The following DGKG variants were observed in gnomAD, a reference collection of about 807,000 sequenced individuals.
DGKG encodes DAG kinase gamma.
Under a neutral mutation model 105.3 loss-of-function variants are expected in DGKG, and 78 were observed. That is an observed-to-expected ratio of 0.74 (90% CI 0.62 to 0.89). DGKG has a LOEUF of 0.89. Among genes scored for constraint, DGKG ranks in the 40% least tolerant of loss-of-function variants. DGKG has a pLI of 0.00. For missense variants in DGKG, 958 were observed against 1,020.1 expected, an observed-to-expected ratio of 0.94 and a Z score of 0.83; for synonymous variants, 346 against 367.1, an observed-to-expected ratio of 0.94 and a Z score of 0.66.
intron 3 of DGKG, 47 bp from the exon 4 acceptor site, chr3:186,298,276 CAG>C: frequency 6.6e-7 from 1 of 1,505,772 alleles, no homozygotes; most frequent in Non-Finnish European, 8.9e-7. Flanking sequence ...AGCAAAGGGA[CAG>C]AGAGGAAGAG....
intron 1 of DGKG, among the ~76,000 whole-genome samples, chr3:186,327,590 T>G (rs1725409884): frequency 6.6e-6 from 1 of 151,806 alleles, no homozygotes; most frequent in Non-Finnish European, 1.5e-5. Context: ...TTTTTTAACT[T>G]TTTGTAGAGA....
chr3:186,148,573 C>A lies in DGKG; in HGVS notation c.*1517G>T. The A allele has an allele frequency of 1.0e-6, 1 of 985,438 alleles. No individual in the cohort carries two copies. The highest frequency in any genetic ancestry group is 4.7e-5 in the South Asian group (1 of 21,286). The allele number at this position is 985,438 out of a possible 1,614,324, so 61.0% of individuals were successfully genotyped here. ...TTTTCAGTGACCAGAAATGACCCTA[C>A]TCTGAGATGTGTGGGTTCTTTTCTC... On this transcript the variant is annotated 3_prime_UTR_variant, in exon 25 of 25. Transcript: ENST00000265022.
rs1719853498 is a variant in DGKG at position 186,226,239 on chromosome 3, T to C, written c.1827-14354A>G. ...CTTGATTATTAAGGGACAAATTCTT[T>C]AGTAAGTAGATAATCCAATCCTTCA... On this transcript the variant is annotated intron_variant, in intron 20 of 24. Transcript: ENST00000265022. This position sits in a 1 kb window ranked among gnomAD's most constrained non-coding sequence, Gnocchi z 4.2. Among the ~76,000 whole-genome samples, 1 of 152,210 alleles carries C rather than the reference T, an allele frequency of 6.6e-6. No homozygotes were observed. The highest frequency in any genetic ancestry group is 1.5e-5 in the Non-Finnish European group (1 of 68,026).
At chr3:186,189,272 A>G (rs1405689122) in intron 21 of DGKG, among the ~76,000 whole-genome samples, 2 of 152,172 alleles carry the variant, frequency 1.3e-5, no homozygotes, top group African/African-American at 2.4e-5. Flanking sequence ...TCTTTATCCA[A>G]TCTCCACAAC....
intron 1 of DGKG, among the ~76,000 whole-genome samples, chr3:186,345,500 T>A (rs1726285877): frequency 6.6e-6 from 1 of 152,220 alleles, no homozygotes; most frequent in Non-Finnish European, 1.5e-5. Context: ...GAGTTTGTTT[T>A]CTTAGACCCC....
At chr3:186,169,869 T>A (rs771223847) in intron 22 of DGKG, among the ~76,000 whole-genome samples, 1 of 152,178 alleles carries the variant, frequency 6.6e-6, no homozygotes, top group Non-Finnish European at 1.5e-5. Flanking sequence ...CAGTAATTAC[T>A]GTGCCACAGG....
intron 24 of DGKG, chr3:186,160,400 A>G: frequency 6.1e-6 from 6 of 985,436 alleles, no homozygotes; most frequent in Non-Finnish European, 7.2e-6. Flanking sequence ...CAGTTCCATC[A>G]AATGATAAAT....
At position 186,305,019 on chromosome 3, in the gene DGKG, A is replaced by G. The variant is rs543076900; in HGVS notation, c.144+1882T>C. On this transcript the variant is annotated intron_variant, in intron 3 of 24. Transcript: ENST00000265022. ...TCATTGAATTTGAAAGTAGGGGGAG[A>G]TCTTGCATTCATTTATTCAGTCCAC... Among the ~76,000 whole-genome samples the G allele has an allele frequency of 5.3e-5, 8 of 152,332 alleles. No individual in the cohort carries two copies. In the South Asian group the frequency reaches 1.7e-3, roughly 32 times the overall value.
chr3:186,257,644 C>A (rs532207463), intron 17 of DGKG: 2 of 498,898 alleles, frequency 4.0e-6, no homozygotes, highest in South Asian at 4.4e-5. Context: ...TAAACTGTTA[C>A]CTCCGTATTG....
chr3:186,149,999 T>TGC lies in DGKG; in HGVS notation c.*89_*90dup, dbSNP rs769407539. On this transcript the variant is annotated 3_prime_UTR_variant, in exon 25 of 25. Transcript: ENST00000265022. Reference sequence around the variant, plus strand: ...AAGAGTGTGTATGTGTGTGTGTGTGTGCATGTGTGAGTGTGCACATAAATT... The same window carrying TGC: ...AAGAGTGTGTATGTGTGTGTGTGTGTGCGCATGTGTGAGTGTGCACATAAATT... 34 of 1,506,560 alleles carry TGC rather than the reference T, an allele frequency of 2.3e-5. No homozygotes were observed. Among genetic ancestry groups the TGC allele is most frequent in the Non-Finnish European group, 2.9e-5 (33 of 1,128,106 alleles). The allele number at this position is 1,506,560 out of a possible 1,614,324, so 93.3% of individuals were successfully genotyped here.
At chr3:186,301,983 T>G (rs1265647039) in intron 3 of DGKG, among the ~76,000 whole-genome samples, 1 of 152,188 alleles carries the variant, frequency 6.6e-6, no homozygotes, top group Admixed American at 6.5e-5. Context: ...CAACCCTCCA[T>G]GCACTCTACC....
chr3:186,161,014 G>A, intron 24 of DGKG: 1 of 985,950 alleles, frequency 1.0e-6, no homozygotes, highest in Non-Finnish European at 1.2e-6. Context: ...CTGGGTGACA[G>A]TGCCATAAAC....
intron 1 of DGKG, among the ~76,000 whole-genome samples, chr3:186,355,305 AC>A (rs1248564000): frequency 1.6e-4 from 4 of 24,742 alleles, no homozygotes; most frequent in African/African-American, 2.8e-4. Context: ...CATTATTGTC[AC>A]CCCCCACCAC....
intron 3 of DGKG, among the ~76,000 whole-genome samples, chr3:186,300,370 C>A (rs188234753): frequency 9.5e-4 from 145 of 152,318 alleles, no homozygotes; most frequent in Non-Finnish European, 1.7e-3. Flanking sequence ...CGGATTGGAT[C>A]CTAGCCCATT....
chr3:186,194,923 G>A (rs1244692770), intron 21 of DGKG, among the ~76,000 whole-genome samples: 1 of 151,638 alleles, frequency 6.6e-6, no homozygotes. Context: ...GGCCAACATG[G>A]CGAAACCCTG....
chr3:186,247,475 G>C (rs6793168), intron 19 of DGKG, among the ~76,000 whole-genome samples: 5 of 152,138 alleles, frequency 3.3e-5, no homozygotes, highest in African/African-American at 1.2e-4. Context: ...CTCTTTGCCA[G>C]TGGAGTCCGC....
intron 2 of DGKG, among the ~76,000 whole-genome samples, chr3:186,317,481 T>A (rs1044137956): frequency 2.0e-5 from 3 of 152,182 alleles, no homozygotes; most frequent in Admixed American, 2.0e-4. Flanking sequence ...GATGGGGTCC[T>A]ACTTTCCTTT....
At position 186,284,665 on chromosome 3, in the gene DGKG, G is replaced by A. The variant is rs1195715588; in HGVS notation, c.589C>T (p.Gln197Ter). Residue 197 changes from glutamine (Q) to a stop codon, truncating the protein, a stop_gained, in exon 7 of 25, where the codon CAA becomes TAA. Transcript: ENST00000265022. LOFTEE classifies it high-confidence loss of function. This position sits in a 1 kb window ranked among gnomAD's most constrained non-coding sequence, Gnocchi z 4.0. ...YDSDENGLLD[Q>*]AEMDCIVNQM... ...TATTTAGAGTGAGAACTTACCGCTT[G>A]GTCCAGGAGACCGTTCTCATCTGAA... 1.2e-6 allele frequency: 2 copies of A among 1,613,578 alleles called. No homozygotes were observed. Among genetic ancestry groups the A allele is most frequent in the Non-Finnish European group, 1.7e-6 (2 of 1,179,564 alleles).
intron 17 of DGKG, among the ~76,000 whole-genome samples, chr3:186,254,662 T>C (rs1560117259): frequency 6.6e-6 from 1 of 152,252 alleles, no homozygotes; most frequent in East Asian, 1.9e-4. Flanking sequence ...ATCTCTTCTC[T>C]CTATCCCCAT....
Sources: allele counts gnomAD v4.1 joint callset (sites outside exome capture counted in the v4.1 genomes callset), GRCh38; gene constraint gnomAD v4.1.1; non-coding constraint Gnocchi (gnomAD v3.1); transcripts MANE v1.5; gene names NCBI Gene and HGNC (gene_info 2026-07-23, HGNC 2026-07-21).